The following KRT81 variants were observed in gnomAD, a reference collection of about 807,000 sequenced individuals.
KRT81 encodes keratin, type II cuticular Hb1.
A neutral mutation model predicts 35.8 loss-of-function variants in KRT81; 35 were observed. The ratio of observed to expected loss-of-function variants is 0.98; its 90% confidence interval spans 0.75 to 1.30. The LOEUF (loss-of-function observed/expected upper bound fraction) is 1.30. KRT81 is among the 50% of genes most tolerant of loss of function. The pLI is 0.00. For missense variants in KRT81, 531 were observed against 577.4 expected (o/e 0.92, Z 0.82); for synonymous variants, 249 against 251.2 (o/e 0.99, Z 0.08).
At position 52,287,229 on chromosome 12, in the gene KRT81, C is replaced by T. The variant is rs746234893; in HGVS notation, c.1120G>A (p.Ala374Thr). 2.5e-5 allele frequency: 41 copies of T among 1,613,990 alleles called. No individual in the cohort carries two copies. The Middle Eastern group carries it at 5.0e-4, about 20-fold the overall frequency. ...ARCKLAELEG[A>T]LQKAKQDMAC... ...ATGTCCTGCTTGGCCTTCTGCAGGG[C>T]GCCCTCCAGCTCGGCCAGCTTGCAG... The change falls in exon 7 of 9, where the codon GCC becomes ACC. Residue 374 changes from alanine to threonine, a missense_variant. Around this residue, in one of 5 missense-constraint regions of KRT81, gnomAD observed 49 missense variants for 87.8 expected, o/e 0.56. Coordinates refer to ENST00000327741, the MANE Select transcript of KRT81 (RefSeq NM_002281.4).
chr12:52,286,975 C>G (rs1565739977), intron 7 of KRT81, 127 bp downstream of exon 7: 1 of 1,567,000 alleles, frequency 6.4e-7, no homozygotes, highest in Admixed American at 1.8e-5. Context: ...CCAGCCCTCC[C>G]CACACCGGAA....
chr12:52,286,465 C>G lies in KRT81; in HGVS notation c.1308G>C (p.Val436=), dbSNP rs1196974669. ...AGCCTGACACGCAGAGGTCCCCGCA[C>G]ACGACCCCGCCCCGGGAGCTGCTGA... The part of the protein sequence containing the change: ...VCVSSSRGGV[V]CGDLCVSGSR... Residue 436 remains valine, a synonymous_variant, in exon 9 of 9, where the codon GTG becomes GTC. Transcript: ENST00000327741. The G allele has an allele frequency of 1.4e-5, 22 of 1,552,348 alleles. No homozygotes were observed. Among genetic ancestry groups the G allele is most frequent in the Non-Finnish European group, 1.9e-5 (22 of 1,147,780 alleles).
rs111866984 is a variant in KRT81, at chr12:52,288,435, G to A, written c.661C>T (p.Arg221Cys). The A allele has an allele frequency of 1.5e-5, 25 of 1,614,034 alleles. No homozygotes were observed. Among genetic ancestry groups the A allele is most frequent in the East Asian group, 4.5e-5 (2 of 44,886 alleles). Residue 221 changes from arginine (R) to cysteine (C), a missense_variant, in exon 4 of 9, where the codon CGC becomes TGC. Arg to Cys is a radical substitution (Grantham distance 180, BLOSUM62 -3). This residue lies in a region of KRT81 where 194 missense variants were observed against 198.2 expected (regional missense o/e 0.98). Coordinates refer to ENST00000327741, the MANE Select transcript of KRT81 (RefSeq NM_002281.4). ...LKKDVDCAYL[R>C]KSDLEANVEA... ...ACGTTGGCCTCCAGGTCTGACTTGC[G>A]GAGGTAGGCGCAGTCCACATCCTGG...
chr12:52,289,046 G>T, intron 3 of KRT81, among the ~76,000 whole-genome samples, 169 bp downstream of exon 3: 1 of 114,812 alleles, frequency 8.7e-6, no homozygotes, highest in East Asian at 2.5e-4. Context: ...ATTGCCCTTT[G>T]TCAAGGCCCT....
rs921550298 is a variant in KRT81 at position 52,286,227 on chromosome 12, C to T, written c.*28G>A. The T allele has an allele frequency of 1.9e-6, 3 of 1,542,728 alleles. No homozygotes were observed. Among genetic ancestry groups the T allele is most frequent in the Non-Finnish European group, 2.6e-6 (3 of 1,138,938 alleles). ...AAGCAAGGCAGGGCAGGAAAGATGC[C>T]TGGGGCCTGGGACTTGAGTTGGGGT... On this transcript the variant is annotated 3_prime_UTR_variant, in exon 9 of 9. Coordinates refer to ENST00000327741, the MANE Select transcript of KRT81 (RefSeq NM_002281.4).
chr12:52,287,237 A>AG lies in KRT81; in HGVS notation c.1111dup (p.Leu371ProfsTer49). On this transcript the variant is annotated frameshift_variant, in exon 7 of 9. Coordinates refer to ENST00000327741, the MANE Select transcript of KRT81 (RefSeq NM_002281.4). LOFTEE classifies it high-confidence loss of function. ...CTTGGCCTTCTGCAGGGCGCCCTCC[A>AG]GCTCGGCCAGCTTGCAGCGGGCATC... 1 of 1,614,038 alleles carries AG rather than the reference A, an allele frequency of 6.2e-7. No individual in the cohort carries two copies. The highest frequency in any genetic ancestry group is 8.5e-7 in the Non-Finnish European group (1 of 1,179,982).
At chr12:52,287,446 C>A in intron 6 of KRT81, 124 bp from the exon 7 acceptor site, 2 of 1,570,694 alleles carry the variant, frequency 1.3e-6, no homozygotes, top group Non-Finnish European at 1.7e-6. Context: ...GCCTTTATCA[C>A]CTGGGACTCA....
intron 1 of KRT81, 111 bp downstream of exon 1, chr12:52,290,986 C>G: frequency 7.3e-6 from 3 of 409,372 alleles, no homozygotes; most frequent in Non-Finnish European, 1.2e-5. Flanking sequence ...GCCCATCAGA[C>G]TGGGATCTCA....
At chr12:52,287,938 C>T (rs1432971631) in intron 5 of KRT81, 46 bp downstream of exon 5, 2 of 1,614,048 alleles carry the variant, frequency 1.2e-6, no homozygotes, top group Non-Finnish European at 8.5e-7. Flanking sequence ...TATCTCACAT[C>T]CCTCCCACTG....
At chr12:52,288,765 T>A (rs568109612) in intron 3 of KRT81, among the ~76,000 whole-genome samples, 1 of 151,996 alleles carries the variant, frequency 6.6e-6, no homozygotes, top group African/African-American at 2.4e-5. Flanking sequence ...ACCCTGACCC[T>A]TTCCTGTCCC....
rs757588620 is a variant in KRT81, at chr12:52,291,455, C to T, written c.11G>A (p.Gly4Glu). The change falls in exon 1 of 9, where the codon GGA (glycine) becomes GAA (glutamate). Residue 4 changes from glycine (G) to glutamate (E), a missense_variant. Gly to Glu is a moderately conservative substitution (Grantham distance 98). Transcript: ENST00000327741. ...GAAGGCGCGCCCACCAAATCCTGAT[C>T]CGCAGGTCATGATCCTCCTGGACGT... is the stretch of plus-strand genomic sequence containing the variant. The part of the protein sequence containing the change: MTC[G>E]SGFGGRAFSC... 9.3e-6 allele frequency: 15 copies of T among 1,612,844 alleles called. No individual in the cohort carries two copies. Among genetic ancestry groups the T allele is most frequent in the Admixed American group, 1.7e-5 (1 of 59,924 alleles).
In KRT81 at chr12:52,286,045, C is replaced by T. The variant is rs1005913345; in HGVS notation, c.*210G>A. ...TGAGGCCCCTTCCTATGGGTGCCAG[C>T]GGACTTCTTTCTAGGGTGGCCTTTC... On this transcript the variant is annotated 3_prime_UTR_variant, in exon 9 of 9. Transcript: ENST00000327741. 6 of 594,088 alleles carry T rather than the reference C, an allele frequency of 1.0e-5. No homozygotes were observed. The highest frequency in any genetic ancestry group is 3.7e-5 in the African/African-American group (2 of 53,804). The allele number at this position is 594,088 out of a possible 1,614,324, so 36.8% of individuals were successfully genotyped here.
chr12:52,287,360 C>T (rs2121235024), intron 6 of KRT81, 38 bp from the exon 7 acceptor site: 1 of 1,610,968 alleles, frequency 6.2e-7, no homozygotes, highest in Non-Finnish European at 8.5e-7. Context: ...ATTAGAGTCC[C>T]TGGGTCTCTC....
intron 3 of KRT81, 58 bp from the exon 4 acceptor site, chr12:52,288,514 C>T (rs1938039042): frequency 6.3e-7 from 1 of 1,589,670 alleles, no homozygotes; most frequent in African/African-American, 1.3e-5. Context: ...CCCCAGACTC[C>T]TCTCTCTGCC....
Position 52,286,406 on chromosome 12 carries a change from G to A in KRT81, c.1367C>T (p.Pro456Leu), listed in dbSNP as rs114447073. ...RPVTGSVCSAPCNGNVAVSTG... is the reference protein window; with the variant it reads ...RPVTGSVCSALCNGNVAVSTG... ...GCTCACCGCCACGTTCCCGTTGCACGGAGCGCTGCAGACACTGCCAGTCAC... is the reference window on the plus strand; with the variant it reads ...GCTCACCGCCACGTTCCCGTTGCACAGAGCGCTGCAGACACTGCCAGTCAC... The change falls in exon 9 of 9, where the codon CCG becomes CTG. Residue 456 changes from proline (P) to leucine (L), a missense_variant. Around this residue, in one of 5 missense-constraint regions of KRT81, gnomAD observed 150 missense variants for 145.4 expected, o/e 1.03. Transcript: ENST00000327741. The A allele has an allele frequency of 7.3e-4, 1,134 of 1,554,582 alleles. 9 individuals carry two copies. The African/African-American group carries it at 0.014, about 19-fold the overall frequency.
chr12:52,286,273 GC>G lies in KRT81; in HGVS notation c.1499del (p.Ser500ThrfsTer73), dbSNP rs1753632379. The G allele has an allele frequency of 3.9e-6, 6 of 1,553,864 alleles. No homozygotes were observed. The highest frequency in any genetic ancestry group is 5.2e-6 in the Non-Finnish European group (6 of 1,148,288). On this transcript the variant is annotated frameshift_variant, in exon 9 of 9. Transcript: ENST00000327741. LOFTEE classifies it high-confidence loss of function. The stretch of plus-strand genomic sequence containing the variant: ...GGGGTGCCTAACATTTCCGGCAGCT[GC>G]TGCCGCAAGACCCCACACCCAGGGA... ...ISSLGVGSCG[S>X]SCRKC
At chr12:52,286,691 A>C in intron 8 of KRT81, 100 bp downstream of exon 8, 1 of 1,355,496 alleles carries the variant, frequency 7.4e-7, no homozygotes. Flanking sequence ...ATGCCAGCCC[A>C]CTCTTTTATA....
At position 52,286,470 on chromosome 12, in the gene KRT81, C is replaced by A. The variant is rs768915549; in HGVS notation, c.1303G>T (p.Val435Phe). The A allele has an allele frequency of 1.3e-6, 2 of 1,552,420 alleles. No individual in the cohort carries two copies. Among genetic ancestry groups the A allele is most frequent in the Non-Finnish European group, 8.7e-7 (1 of 1,147,778 alleles). Reference sequence around the variant, plus strand: ...GACACGCAGAGGTCCCCGCACACGACCCCGCCCCGGGAGCTGCTGACACCT... The same window carrying A: ...GACACGCAGAGGTCCCCGCACACGAACCCGCCCCGGGAGCTGCTGACACCT... Reference protein sequence around the residue: ...NVCVSSSRGGVVCGDLCVSGS... With the variant: ...NVCVSSSRGGFVCGDLCVSGS... The change falls in exon 9 of 9, where the codon GTC becomes TTC. Residue 435 changes from valine (V) to phenylalanine (F), a missense_variant. Physicochemically the swap from Val to Phe is conservative, Grantham distance 50. Transcript: ENST00000327741.
At position 52,286,117 on chromosome 12, in the gene KRT81, A is replaced by G; in HGVS notation, c.*138T>C. 1.3e-6 allele frequency: 1 copy of G among 760,364 alleles called. No individual in the cohort carries two copies. Among genetic ancestry groups the G allele is most frequent in the Non-Finnish European group, 2.2e-6 (1 of 446,210 alleles). 47.1% of individuals were successfully genotyped at this position (760,364 alleles called of 1,614,324 possible). ...CAGAAGTGGGGGATCACACAGAGAA[A>G]TGTGAGGCCAGGAGTGGGAGGGGTC... On this transcript the variant is annotated 3_prime_UTR_variant, in exon 9 of 9. Coordinates refer to ENST00000327741, the MANE Select transcript of KRT81 (RefSeq NM_002281.4).
Sources: allele counts gnomAD v4.1 joint callset (sites outside exome capture counted in the v4.1 genomes callset), GRCh38; gene constraint gnomAD v4.1.1; regional missense constraint gnomAD v4.1.1; transcripts MANE v1.5; gene names NCBI Gene and HGNC (gene_info 2026-07-23, HGNC 2026-07-21).